MYOM3: variants seen among roughly 807,000 people sequenced by gnomAD.
MYOM3 encodes myomesin 3.
Under a neutral mutation model 191.7 loss-of-function variants are expected in MYOM3, and 155 were observed. That is an observed-to-expected ratio of 0.81 (90% CI 0.71 to 0.92). The LOEUF is 0.92. Among genes scored for constraint, MYOM3 ranks in the 40% least tolerant of loss-of-function variants. The pLI, the probability that MYOM3 is intolerant of heterozygous loss-of-function variation, is 0.00. For missense variants in MYOM3, 1,889 were observed against 1,890.6 expected (o/e 1.00, Z 0.02); for synonymous variants, 757 against 762.9 (o/e 0.99, Z 0.13).
chr1:24,092,816 C>T (rs1027383087), intron 10 of MYOM3, 131 bp downstream of exon 10: 59 of 949,708 alleles, frequency 6.2e-5, no homozygotes, highest in Middle Eastern at 3.4e-4. Context: ...CAACCCAAAG[C>T]CCTGATTTTA....
intron 5 of MYOM3, among the ~76,000 whole-genome samples, chr1:24,101,315 G>C (rs540849033): frequency 1.3e-5 from 2 of 152,270 alleles, no homozygotes; most frequent in South Asian, 4.1e-4. Flanking sequence ...AAGAAAACAA[G>C]CTTCTAGCTT....
intron 35 of MYOM3, 144 bp downstream of exon 35, chr1:24,060,916 C>T: frequency 1.1e-6 from 1 of 882,030 alleles, no homozygotes; most frequent in Non-Finnish European, 1.8e-6. Context: ...TTGCCCAGGT[C>T]TTCCCTGCAG....
intron 2 of MYOM3, 158 bp downstream of exon 2, chr1:24,108,318 C>A: frequency 1.2e-6 from 1 of 857,364 alleles, no homozygotes; most frequent in Non-Finnish European, 1.7e-6. Flanking sequence ...CTCCAGAGAG[C>A]CAATTGTGTC....
intron 28 of MYOM3, 34 bp from the exon 29 acceptor site, chr1:24,066,035 G>A: frequency 7.1e-7 from 1 of 1,418,318 alleles, no homozygotes; most frequent in Middle Eastern, 1.8e-4. Flanking sequence ...GACTCTGTCA[G>A]GCTTGTTTCT....
intron 25 of MYOM3, among the ~76,000 whole-genome samples, chr1:24,069,163 T>C (rs1643492221): frequency 6.6e-6 from 1 of 152,248 alleles, no homozygotes; most frequent in African/African-American, 2.4e-5. Context: ...TTTTTAAAAT[T>C]TCATTTTCCT....
At chr1:24,066,627 T>C (rs1643437751) in intron 28 of MYOM3, 1 of 351,676 alleles carries the variant, frequency 2.8e-6, no homozygotes, top group Non-Finnish European at 5.1e-6. Context: ...GAAGTGAGGA[T>C]AGTAATGCCT....
chr1:24,076,318 C>G, intron 20 of MYOM3, 45 bp from the exon 21 acceptor site: 1 of 1,443,432 alleles, frequency 6.9e-7, no homozygotes, highest in Non-Finnish European at 9.8e-7. Flanking sequence ...AGCAGTGACT[C>G]TTCCTGAAAC....
intron 5 of MYOM3, among the ~76,000 whole-genome samples, chr1:24,100,180 T>C (rs937080700): frequency 6.6e-6 from 1 of 152,066 alleles, no homozygotes; most frequent in African/African-American, 2.4e-5. Flanking sequence ...CCAGTTGCAG[T>C]TTTGTGTTGC....
intron 32 of MYOM3, 107 bp from the exon 33 acceptor site, chr1:24,062,216 G>T: frequency 8.2e-7 from 1 of 1,224,844 alleles, no homozygotes; most frequent in Non-Finnish European, 1.2e-6. Context: ...CACGGGCTAT[G>T]GGTGGTGACT....
chr1:24,062,333 C>T lies in MYOM3; in HGVS notation c.3771-224G>A, dbSNP rs148561149. ...TTCATTCATTCATCATTCCTAGAGA[C>T]GCTGTCCTCTGTTCCCAGTGTTGTG... On this transcript the variant is annotated intron_variant, in intron 32 of 36. Transcript: ENST00000374434. 4.0e-3 allele frequency among the ~76,000 whole-genome samples: 603 copies of T among 152,254 alleles called. 4 individuals are homozygous for T. The highest frequency in any genetic ancestry group is 0.01 in the African/African-American group (428 of 41,536).
intron 5 of MYOM3, 82 bp from the exon 6 acceptor site, chr1:24,099,857 T>C: frequency 9.9e-7 from 1 of 1,013,140 alleles, no homozygotes; most frequent in Non-Finnish European, 1.5e-6. Context: ...GGATTCCAGC[T>C]GCAGGTTTTT....
intron 1 of MYOM3, among the ~76,000 whole-genome samples, chr1:24,110,420 A>G (rs553104114): frequency 3.9e-5 from 6 of 152,032 alleles, no homozygotes; most frequent in African/African-American, 1.4e-4. Context: ...GGATGTGAAC[A>G]CAGCACCTAG....
In MYOM3 at chr1:24,064,095, G is replaced by C. The variant is rs748835810; in HGVS notation, c.3599C>G (p.Thr1200Ser). The C allele has an allele frequency of 1.9e-6, 3 of 1,614,016 alleles. No homozygotes were observed. In the South Asian group the frequency reaches 3.3e-5, roughly 18 times the overall value. ...MVSDDRGEDD[T>S]ILDLTGDALD... ...ACCGTCACCCGTGAGGTCCAATATGGTGTCGTCCTCCCCTCGATCGTCAGA... is the reference window on the plus strand; with the variant it reads ...ACCGTCACCCGTGAGGTCCAATATGCTGTCGTCCTCCCCTCGATCGTCAGA... Residue 1200 changes from threonine to serine, a missense_variant, in exon 30 of 37, where the codon ACC (threonine) becomes AGC (serine). By Grantham distance (58) the Thr-to-Ser change is moderately conservative. Coordinates refer to ENST00000374434, the MANE Select transcript of MYOM3 (RefSeq NM_152372.4).
At chr1:24,076,104 C>G in intron 21 of MYOM3, 55 bp downstream of exon 21, 1 of 1,407,826 alleles carries the variant, frequency 7.1e-7, no homozygotes. Flanking sequence ...GAACTCCACC[C>G]GTCCCCAGTG....
rs769435342 is a variant in MYOM3 at position 24,108,597 on chromosome 1, G to A, written c.40C>T (p.Arg14Trp). ...PHSLGGAGDP[R>W]PPQAMEVHRL... Reference sequence around the variant, plus strand: ...TGAACCTCCATGGCCTGGGGGGGCCGGGGGTCCCCCGCACCTCCCAAGCTG... The same window carrying A: ...TGAACCTCCATGGCCTGGGGGGGCCAGGGGTCCCCCGCACCTCCCAAGCTG... Residue 14 changes from arginine (R) to tryptophan (W), a missense_variant, in exon 2 of 37, where the codon CGG (arginine) becomes TGG (tryptophan). Transcript: ENST00000374434. 1.1e-5 allele frequency: 17 copies of A among 1,564,340 alleles called. No homozygotes were observed. Among genetic ancestry groups the A allele is most frequent in the East Asian group, 2.4e-5 (1 of 42,380 alleles).
At chr1:24,059,523 T>C (rs1453119234) in intron 35 of MYOM3, among the ~76,000 whole-genome samples, 1 of 152,256 alleles carries the variant, frequency 6.6e-6, no homozygotes. Context: ...GCCACTGATC[T>C]GAGGTCATTT....
At position 24,087,969 on chromosome 1, in the gene MYOM3, T is replaced by A. The variant is rs1334943646; in HGVS notation, c.1615-1142A>T. Among the ~76,000 whole-genome samples the A allele has an allele frequency of 6.6e-6, 1 of 152,166 alleles. No homozygotes were observed. The highest frequency in any genetic ancestry group is 1.9e-4 in the East Asian group (1 of 5,198). ...ATGAGGAAAGTCAGGTTCAGAGAGT[T>A]TCGGTAACTTGGCCAAAAGTCCTGC... On this transcript the variant is annotated intron_variant, in intron 14 of 36. Coordinates refer to ENST00000374434, the MANE Select transcript of MYOM3 (RefSeq NM_152372.4). This position sits in a 1 kb window ranked among gnomAD's most constrained non-coding sequence, Gnocchi z 4.5.
intron 10 of MYOM3, 49 bp from the exon 11 acceptor site, chr1:24,092,364 G>A: frequency 1.5e-6 from 2 of 1,332,100 alleles, no homozygotes; most frequent in Non-Finnish European, 1.9e-6. Flanking sequence ...TGGCCATTTG[G>A]TGACAGGCCC....
intron 22 of MYOM3, among the ~76,000 whole-genome samples, chr1:24,074,570 T>C (rs1643573893): frequency 6.6e-6 from 1 of 152,164 alleles, no homozygotes; most frequent in South Asian, 2.1e-4. Flanking sequence ...GCTGAGGCCG[T>C]GAGCCGCTGG....
Sources: allele counts gnomAD v4.1 joint callset (sites outside exome capture counted in the v4.1 genomes callset), GRCh38; gene constraint gnomAD v4.1.1; non-coding constraint Gnocchi (gnomAD v3.1); transcripts MANE v1.5; gene names NCBI Gene and HGNC (gene_info 2026-07-23, HGNC 2026-07-21).